SMG7: variants seen among roughly 807,000 people sequenced by gnomAD.
SMG7 encodes SMG7 nonsense mediated mRNA decay factor.
In SMG7, 34 loss-of-function variants were observed where a neutral mutation model predicts 148.2. The observed-to-expected ratio is 0.23, with a 90% CI of 0.17 to 0.31. SMG7 has a LOEUF of 0.31. SMG7 is among the 10% of genes least tolerant of loss of function. The probability of loss-of-function intolerance (pLI) is 1.00; values close to 1 mark genes in which losing one functional copy is unlikely to be tolerated. For missense variants in SMG7, 1,114 were observed against 1,408.4 expected, an observed-to-expected ratio of 0.79 and a Z score of 3.35; for synonymous variants, 492 against 515.1, an observed-to-expected ratio of 0.96 and a Z score of 0.61.
At chr1:183,525,610 T>C (rs1665683684) in intron 4 of SMG7, among the ~76,000 whole-genome samples, 1 of 152,002 alleles carries the variant, frequency 6.6e-6, no homozygotes, top group Admixed American at 6.6e-5. Context: ...GTGTAGGCCA[T>C]AGGAAAGAAG....
At chr1:183,477,835 CAT>C (rs1653044164) in intron 1 of SMG7, among the ~76,000 whole-genome samples, 1 of 151,954 alleles carries the variant, frequency 6.6e-6, no homozygotes, top group South Asian at 2.1e-4. Flanking sequence ...TGTATATATA[CAT>C]ATATTTTTTG....
intron 8 of SMG7, 33 bp downstream of exon 8, chr1:183,529,566 G>T (rs770140813): frequency 6.3e-7 from 1 of 1,581,776 alleles, no homozygotes; most frequent in South Asian, 1.1e-5. Flanking sequence ...TTTTTGTCTT[G>T]TCTAAATCAG....
At chr1:183,532,075 A>G (rs143602856) in intron 8 of SMG7, among the ~76,000 whole-genome samples, 1 of 152,324 alleles carries the variant, frequency 6.6e-6, no homozygotes, top group Non-Finnish European at 1.5e-5. Context: ...TTCTCTAATG[A>G]TAATGTAAAA....
rs765633222 is a variant in SMG7, at chr1:183,549,838, C to G, written c.3048C>G (p.Leu1016=). 2 of 1,613,730 alleles carry G rather than the reference C, an allele frequency of 1.2e-6. No homozygotes were observed. The highest frequency in any genetic ancestry group is 1.7e-6 in the Non-Finnish European group (2 of 1,179,652). The change falls in exon 20 of 23, where the codon CTC becomes CTG. Residue 1016 remains leucine (L), a synonymous_variant. Transcript: ENST00000688051. ...KNLTSSSKAE[L]SPSMAPQETS... is the part of the protein sequence containing the mutation. ...TGACATCCAGCTCCAAAGCAGAACT[C>G]AGTCCCTCAATGGCCCCCCAGGAAA...
At chr1:183,503,331 A>G (rs866428833) in intron 1 of SMG7, among the ~76,000 whole-genome samples, 6 of 152,354 alleles carry the variant, frequency 3.9e-5, no homozygotes, top group South Asian at 2.1e-4. Context: ...TGGTATTTCT[A>G]TAATTTATAA....
chr1:183,520,570 G>C (rs1169437864), intron 4 of SMG7, among the ~76,000 whole-genome samples: 1 of 152,130 alleles, frequency 6.6e-6, no homozygotes, highest in Non-Finnish European at 1.5e-5. Flanking sequence ...ACTAAAGTAG[G>C]GGGAGTAGGA....
chr1:183,516,256 T>C lies in SMG7; in HGVS notation c.179+265T>C, dbSNP rs568498054. 9.2e-5 allele frequency among the ~76,000 whole-genome samples: 14 copies of C among 152,228 alleles called. No homozygotes were observed. The South Asian group carries it at 1.5e-3, about 16-fold the overall frequency. ...TAGGGCCTGTCAAAAAAAACAAATATATCTATTTCAAATACTAAGAGTGTT... is the reference window on the plus strand; with the variant it reads ...TAGGGCCTGTCAAAAAAAACAAATACATCTATTTCAAATACTAAGAGTGTT... On this transcript the variant is annotated intron_variant, in intron 3 of 22. Coordinates refer to ENST00000688051, the MANE Select transcript of SMG7 (RefSeq NM_001375584.1).
intron 1 of SMG7, among the ~76,000 whole-genome samples, chr1:183,477,494 A>G (rs1273987748): frequency 6.6e-6 from 1 of 151,608 alleles, no homozygotes; most frequent in Non-Finnish European, 1.5e-5. Flanking sequence ...ACGTGTGTGC[A>G]TATGTGTATA....
At chr1:183,489,005 C>A (rs141188683) in intron 1 of SMG7, among the ~76,000 whole-genome samples, 19 of 151,962 alleles carry the variant, frequency 1.3e-4, no homozygotes, top group African/African-American at 3.4e-4. Context: ...TCTTTTTAAC[C>A]CTAATTATTT....
chr1:183,512,795 TCTAA>T (rs965493975), intron 1 of SMG7, 38 bp from the exon 2 acceptor site: 3 of 1,554,674 alleles, frequency 1.9e-6, no homozygotes, highest in African/African-American at 1.4e-5. Context: ...CTCGTTTGTT[TCTAA>T]CTGATACTCT....
At chr1:183,533,104 T>C in intron 8 of SMG7, 60 bp from the exon 9 acceptor site, 1 of 1,428,588 alleles carries the variant, frequency 7.0e-7, no homozygotes, top group East Asian at 2.3e-5. Flanking sequence ...TTTAATTTCT[T>C]GTGTCAAAGA....
At chr1:183,475,021 TC>T (rs894204548) in intron 1 of SMG7, among the ~76,000 whole-genome samples, 15 of 152,340 alleles carry the variant, frequency 9.8e-5, no homozygotes, top group African/African-American at 3.6e-4. Context: ...TTTGACCCTT[TC>T]CTTTTACACA....
intron 1 of SMG7, among the ~76,000 whole-genome samples, chr1:183,508,719 G>A (rs1169134512): frequency 6.6e-6 from 1 of 151,840 alleles, no homozygotes; most frequent in Non-Finnish European, 1.5e-5. Flanking sequence ...GATATTTTGG[G>A]GATACAGAAA....
Position 183,542,137 on chromosome 1 carries a change from A to G in SMG7, c.1477A>G (p.Ile493Val), listed in dbSNP as rs1260671313. Residue 493 changes from isoleucine to valine, a missense_variant, in exon 14 of 23, where the codon ATA (isoleucine) becomes GTA (valine). Physicochemically the swap from Ile to Val is conservative, Grantham distance 29. This residue lies in a region of SMG7 where 788 missense variants were observed against 894.5 expected (regional missense o/e 0.88). Coordinates refer to ENST00000688051, the MANE Select transcript of SMG7 (RefSeq NM_001375584.1). Reference protein sequence around the residue: ...LLFITEIPELILEDPSEAKEN... With the variant: ...LLFITEIPELVLEDPSEAKEN... Reference sequence around the variant, plus strand: ...GTTTATCACAGAAATCCCAGAATTAATACTGGAAGACCCCAGTGAAGCCAA... The same window carrying G: ...GTTTATCACAGAAATCCCAGAATTAGTACTGGAAGACCCCAGTGAAGCCAA... The G allele has an allele frequency of 1.2e-6, 2 of 1,613,972 alleles. No homozygotes were observed. Among genetic ancestry groups the G allele is most frequent in the African/African-American group, 2.7e-5 (2 of 74,936 alleles).
At chr1:183,505,074 C>G (rs1257771031) in intron 1 of SMG7, among the ~76,000 whole-genome samples, 1 of 151,228 alleles carries the variant, frequency 6.6e-6, no homozygotes, top group African/African-American at 2.4e-5. Context: ...ACCTTCTTTC[C>G]TTTATTCTAA....
chr1:183,502,482 A>G, intron 1 of SMG7: 3 of 1,015,060 alleles, frequency 3.0e-6, no homozygotes, highest in Non-Finnish European at 4.0e-6. Context: ...ATAAAATTAG[A>G]AACTTCCTGA....
rs143265685 is a variant in SMG7, at chr1:183,507,254, C to G, written c.30-5583C>G. On this transcript the variant is annotated intron_variant, in intron 1 of 22. Coordinates refer to ENST00000688051, the MANE Select transcript of SMG7 (RefSeq NM_001375584.1). ...GTTACATAAGTGCTATATGTATAATCAAGATATTTGTTAAAGAAGATAACC... is the reference window on the plus strand; with the variant it reads ...GTTACATAAGTGCTATATGTATAATGAAGATATTTGTTAAAGAAGATAACC... Among the ~76,000 whole-genome samples the G allele has an allele frequency of 9.5e-4, 144 of 152,210 alleles. 4 individuals carry two copies. The East Asian group carries it at 0.025, about 27-fold the overall frequency.
chr1:183,529,199 A>G (rs890498205), intron 7 of SMG7, among the ~76,000 whole-genome samples, 157 bp downstream of exon 7: 21 of 152,172 alleles, frequency 1.4e-4, no homozygotes, highest in African/African-American at 4.6e-4. Flanking sequence ...ACTGAATTTC[A>G]TCCAATCAAT....
intron 14 of SMG7, 78 bp from the exon 15 acceptor site, chr1:183,544,275 T>G (rs188230682): frequency 1.8e-6 from 2 of 1,142,776 alleles, no homozygotes; most frequent in East Asian, 2.4e-5. Flanking sequence ...TTTAAATACT[T>G]TCTTAGGAGT....
Sources: allele counts gnomAD v4.1 joint callset (sites outside exome capture counted in the v4.1 genomes callset), GRCh38; gene constraint gnomAD v4.1.1; regional missense constraint gnomAD v4.1.1; transcripts MANE v1.5; gene names NCBI Gene and HGNC (gene_info 2026-07-23, HGNC 2026-07-21).